Variants in ARID1A observed in about 807,000 individuals in gnomAD.
The protein encoded by ARID1A is AT-rich interactive domain-containing protein 1A.
Under a neutral mutation model 212.6 loss-of-function variants are expected in ARID1A, and 20 were observed. The observed-to-expected ratio is 0.09, with a 90% CI of 0.07 to 0.14. The LOEUF (loss-of-function observed/expected upper bound fraction) is 0.14. Among genes scored for constraint, ARID1A ranks in the 10% least tolerant of loss-of-function variants. The pLI is 1.00. For synonymous variants in ARID1A, 1,376 were observed against 1,222.1 expected, an observed-to-expected ratio of 1.13 and a Z score of -2.63; for missense variants, 2,587 against 3,059.0, an observed-to-expected ratio of 0.85 and a Z score of 3.64.
chr1:26,760,757 T>G, intron 4 of ARID1A, 99 bp from the exon 5 acceptor site: 1 of 1,317,870 alleles, frequency 7.6e-7, no homozygotes. Flanking sequence ...TATTTGCTCT[T>G]GGTTGTTTAA....
At chr1:26,773,139 CTTTCT>C in intron 14 of ARID1A, 152 bp downstream of exon 14, 1 of 1,267,858 alleles carries the variant, frequency 7.9e-7, no homozygotes, top group South Asian at 1.5e-5. Context: ...TCCTTACCTC[CTTTCT>C]TGTCTTCTCC....
intron 4 of ARID1A, among the ~76,000 whole-genome samples, chr1:26,743,852 G>A (rs2080811141): frequency 6.6e-6 from 1 of 151,432 alleles, no homozygotes; most frequent in East Asian, 1.9e-4. Context: ...GTTCCCTTTT[G>A]TTCATTTCAT....
intron 8 of ARID1A, 89 bp from the exon 9 acceptor site, chr1:26,766,132 A>G (rs2124078440): frequency 7.0e-7 from 1 of 1,432,708 alleles, no homozygotes; most frequent in Non-Finnish European, 9.5e-7. Flanking sequence ...TCCTTACTAG[A>G]TGATCACACA....
chr1:26,761,576 A>G, intron 6 of ARID1A, 103 bp downstream of exon 6: 2 of 1,092,780 alleles, frequency 1.8e-6, no homozygotes, highest in South Asian at 1.4e-5. Flanking sequence ...GCTTAGGACA[A>G]TCCCTGCAGC....
intron 4 of ARID1A, among the ~76,000 whole-genome samples, chr1:26,755,462 G>A (rs940221127): frequency 2.0e-5 from 3 of 152,180 alleles, no homozygotes; most frequent in African/African-American, 7.2e-5. Context: ...GGTTTATTTA[G>A]CACTTTTTCT....
chr1:26,702,748 T>C (rs941405926), intron 1 of ARID1A, among the ~76,000 whole-genome samples: 1 of 152,060 alleles, frequency 6.6e-6, no homozygotes, highest in Non-Finnish European at 1.5e-5. Flanking sequence ...TAAAAAAAAA[T>C]TGAAATGGAA....
At chr1:26,776,933 A>G (rs556067848) in intron 19 of ARID1A, among the ~76,000 whole-genome samples, 11 of 152,304 alleles carry the variant, frequency 7.2e-5, no homozygotes, top group African/African-American at 2.6e-4. Flanking sequence ...CCATTGCATA[A>G]TATTGCCTAC....
rs2124113273 is a variant in ARID1A, at chr1:26,773,663, G to A, written c.3950G>A (p.Gly1317Glu). The change falls in exon 16 of 20, where the codon GGG becomes GAG. Residue 1317 changes from glycine (G) to glutamate (E), a missense_variant. By Grantham distance (98) the Gly-to-Glu change is moderately conservative. Coordinates refer to ENST00000324856, the MANE Select transcript of ARID1A (RefSeq NM_006015.6). ...CTCATGCCTTCCAACCCAGACTCGG[G>A]GATGTATTCTCCTAGCCGCTACCCC... is the stretch of plus-strand genomic sequence containing the variant. ...PNLMPSNPDS[G>E]MYSPSRYPPQ... The A allele has an allele frequency of 6.2e-7, 1 of 1,614,086 alleles. No homozygotes were observed. The highest frequency in any genetic ancestry group is 8.5e-7 in the Non-Finnish European group (1 of 1,180,028).
chr1:26,709,219 C>T (rs758594362), intron 1 of ARID1A, among the ~76,000 whole-genome samples: 21 of 152,170 alleles, frequency 1.4e-4, no homozygotes, highest in Non-Finnish European at 2.6e-4. Flanking sequence ...AAGTACTATT[C>T]GTTTATCAAA....
chr1:26,781,159 TAA>T lies in ARID1A; in HGVS notation c.*420_*421del, dbSNP rs71007893. The stretch of plus-strand genomic sequence containing the variant: ...CACATTTCATAACTGTTTTTAATGG[TAA>T]AAAAAAAAAAAAAAAATACAAAAAA... On this transcript the variant is annotated 3_prime_UTR_variant, in exon 20 of 20. Transcript: ENST00000324856. The T allele has an allele frequency of 0.019, 3,641 of 189,696 alleles. No homozygotes were observed. Among genetic ancestry groups the T allele is most frequent in the Middle Eastern group, 0.033 (22 of 676 alleles). The allele number at this position is 189,696 out of a possible 1,614,324, so 11.8% of individuals were successfully genotyped here. A position where few individuals can be genotyped will look rare whatever the true frequency, so the allele number is the denominator to read the frequency against.
intron 1 of ARID1A, among the ~76,000 whole-genome samples, chr1:26,707,749 T>A (rs925904497): frequency 1.3e-5 from 2 of 152,124 alleles, no homozygotes; most frequent in African/African-American, 4.8e-5. Context: ...TCTTCAAAAC[T>A]GTATAGGAGG....
At chr1:26,775,260 T>A (rs2124124640) in intron 18 of ARID1A, 40 bp downstream of exon 18, 1 of 1,532,604 alleles carries the variant, frequency 6.5e-7, no homozygotes, top group South Asian at 1.3e-5. Flanking sequence ...AATCTGCCCC[T>A]TTCCATCTTG....
chr1:26,710,522 C>CACACACACACACACACACACACACACAG, intron 1 of ARID1A, among the ~76,000 whole-genome samples: 1 of 151,344 alleles, frequency 6.6e-6, no homozygotes, highest in East Asian at 1.9e-4. Flanking sequence ...CACACACACA[C>CACACACACACACACACACACACACACAG]ACACACCACT....
chr1:26,750,971 G>C (rs1392483903), intron 4 of ARID1A, among the ~76,000 whole-genome samples: 1 of 152,012 alleles, frequency 6.6e-6, no homozygotes, highest in Non-Finnish European at 1.5e-5. Flanking sequence ...AGGAAAGAGG[G>C]GGGCCGGGCA....
At chr1:26,719,310 G>GT (rs1557585163) in intron 1 of ARID1A, among the ~76,000 whole-genome samples, 1 of 152,232 alleles carries the variant, frequency 6.6e-6, no homozygotes, top group African/African-American at 2.4e-5. Flanking sequence ...CTGAGACTGA[G>GT]TATAGGAATT....
At chr1:26,731,877 T>TTTTTATTTTA (rs536029374) in intron 3 of ARID1A, among the ~76,000 whole-genome samples, 6 of 152,108 alleles carry the variant, frequency 3.9e-5, no homozygotes, top group Admixed American at 1.3e-4. Context: ...GGGACTGGTT[T>TTTTTATTTTA]TTTTATTTTA....
rs959942477 is a variant in ARID1A at position 26,763,426 on chromosome 1, G to A, written c.2732+141G>A. On this transcript the variant is annotated intron_variant, in intron 8 of 19. Coordinates refer to ENST00000324856, the MANE Select transcript of ARID1A (RefSeq NM_006015.6). Reference sequence around the variant, plus strand: ...GAAGTGTTAATTCTTACATACCTTAGATGGGTCTGAAATTTCACGTGACTA... The same window carrying A: ...GAAGTGTTAATTCTTACATACCTTAAATGGGTCTGAAATTTCACGTGACTA... 16 of 1,043,712 alleles carry A rather than the reference G, an allele frequency of 1.5e-5. No individual in the cohort carries two copies. In the East Asian group the frequency reaches 3.4e-4, roughly 22 times the overall value. 64.7% of individuals were successfully genotyped at this position (1,043,712 alleles called of 1,614,324 possible).
intron 1 of ARID1A, among the ~76,000 whole-genome samples, chr1:26,718,409 A>G (rs943251921): frequency 6.6e-6 from 1 of 152,216 alleles, no homozygotes; most frequent in Non-Finnish European, 1.5e-5. Context: ...AGAACTGGCC[A>G]TGTACAATAG....
chr1:26,735,160 T>C (rs912705392), intron 4 of ARID1A, among the ~76,000 whole-genome samples: 2 of 151,404 alleles, frequency 1.3e-5, no homozygotes, highest in African/African-American at 4.9e-5. Flanking sequence ...TTTCACACTC[T>C]TGTTGCCCAG....
Sources: allele counts gnomAD v4.1 joint callset (sites outside exome capture counted in the v4.1 genomes callset), GRCh38; gene constraint gnomAD v4.1.1; transcripts MANE v1.5; gene names NCBI Gene and HGNC (gene_info 2026-07-23, HGNC 2026-07-21).